Variants in CNBD1 observed in about 807,000 individuals in gnomAD.
The protein encoded by CNBD1 is cyclic nucleotide-binding domain-containing protein 1.
A neutral mutation model predicts 54.4 loss-of-function variants in CNBD1; 71 were observed. The observed-to-expected ratio is 1.30, with a 90% CI of 1.08 to 1.59. The LOEUF (loss-of-function observed/expected upper bound fraction) is 1.59, where lower values mean the gene tolerates loss of function less well. Ranked by LOEUF, CNBD1 falls within the 40% of genes most tolerant of loss-of-function variation. The pLI is 0.00. For missense variants in CNBD1, 659 were observed against 518.0 expected (o/e 1.27, Z -2.64); for synonymous variants, 182 against 170.7 (o/e 1.07, Z -0.51).
At chr8:87,194,292 A>G (rs911721309) in intron 4 of CNBD1, among the ~76,000 whole-genome samples, 8 of 152,168 alleles carry the variant, frequency 5.3e-5, no homozygotes, top group Non-Finnish European at 7.3e-5. Context: ...GACACTTGAA[A>G]AGCAGGTAGT....
chr8:87,358,410 A>T (rs79507976), intron 10 of CNBD1, among the ~76,000 whole-genome samples: 3,675 of 152,288 alleles, frequency 0.024, 153 homozygotes, highest in African/African-American at 0.081. Context: ...CACCAATTAA[A>T]ATGACAATAT....
intron 4 of CNBD1, among the ~76,000 whole-genome samples, chr8:87,024,187 C>T (rs1455944078): frequency 8.0e-5 from 11 of 138,280 alleles, no homozygotes; most frequent in Non-Finnish European, 1.4e-4. Flanking sequence ...TGCAGTGAGC[C>T]GAGATCACAC....
intron 4 of CNBD1, among the ~76,000 whole-genome samples, chr8:86,981,723 A>G (rs1398281659): frequency 6.6e-6 from 1 of 152,162 alleles, no homozygotes; most frequent in Non-Finnish European, 1.5e-5. Context: ...CTGTTGTTGC[A>G]TGCCTCAATA....
chr8:87,042,919 T>A (rs968079565), intron 4 of CNBD1, among the ~76,000 whole-genome samples: 25 of 152,234 alleles, frequency 1.6e-4, no homozygotes, highest in African/African-American at 5.5e-4. Context: ...TAAATACACT[T>A]ATGTACATAT....
chr8:87,217,140 G>A lies in CNBD1; in HGVS notation c.577+11002G>A, dbSNP rs1170236584. ...TTATGAAAGTGACACCAATAAGAGA[G>A]TGAAGATGATTTTTAATGGCAAAGG... On this transcript the variant is annotated intron_variant, in intron 5 of 10. Coordinates refer to ENST00000518476, the MANE Select transcript of CNBD1 (RefSeq NM_173538.3). 2.0e-5 allele frequency among the ~76,000 whole-genome samples: 3 copies of A among 152,120 alleles called. No individual in the cohort carries two copies. In the South Asian group the frequency reaches 6.2e-4, roughly 32 times the overall value.
chr8:87,208,197 G>T (rs1814018466), intron 5 of CNBD1, among the ~76,000 whole-genome samples: 1 of 151,960 alleles, frequency 6.6e-6, no homozygotes, highest in African/African-American at 2.4e-5. Context: ...CTCTTTTCTG[G>T]CCACTAGTTC....
At chr8:87,347,335 C>T (rs1315859329) in intron 8 of CNBD1, among the ~76,000 whole-genome samples, 1 of 152,070 alleles carries the variant, frequency 6.6e-6, no homozygotes, top group South Asian at 2.1e-4. Flanking sequence ...TGTTGAGATT[C>T]TTGAGAATAT....
intron 6 of CNBD1, among the ~76,000 whole-genome samples, chr8:87,275,333 G>C (rs1332885919): frequency 6.6e-6 from 1 of 150,900 alleles, no homozygotes; most frequent in African/African-American, 2.4e-5. Flanking sequence ...TGGCTTGATG[G>C]GGATAGCATT....
At chr8:87,350,604 G>C (rs1007577144) in intron 8 of CNBD1, among the ~76,000 whole-genome samples, 4 of 151,546 alleles carry the variant, frequency 2.6e-5, no homozygotes, top group Non-Finnish European at 4.4e-5. Context: ...GTTGATATAT[G>C]CTCTTTTATG....
At chr8:87,258,713 A>G (rs529190706) in intron 6 of CNBD1, among the ~76,000 whole-genome samples, 3 of 152,274 alleles carry the variant, frequency 2.0e-5, no homozygotes, top group African/African-American at 7.2e-5. Flanking sequence ...ATACAAATCT[A>G]TCCAATCCTA....
At chr8:87,324,045 C>A (rs1809604983) in intron 8 of CNBD1, among the ~76,000 whole-genome samples, 1 of 125,848 alleles carries the variant, frequency 7.9e-6, no homozygotes, top group Non-Finnish European at 1.8e-5. Context: ...GCTTTTTCTG[C>A]ATCTATTGAG....
chr8:87,051,691 T>A (rs1049591269), intron 4 of CNBD1, among the ~76,000 whole-genome samples: 1 of 152,228 alleles, frequency 6.6e-6, no homozygotes, highest in Non-Finnish European at 1.5e-5. Flanking sequence ...CATGCTATTG[T>A]TTGTGGTTTA....
chr8:86,874,441 A>G (rs2131770834), intron 1 of CNBD1, among the ~76,000 whole-genome samples: 1 of 152,194 alleles, frequency 6.6e-6, no homozygotes, highest in East Asian at 1.9e-4. Context: ...AGTTTGCCCC[A>G]CTCTTGATGA....
chr8:86,973,854 A>G (rs1358689891), intron 4 of CNBD1, among the ~76,000 whole-genome samples: 1 of 152,202 alleles, frequency 6.6e-6, no homozygotes, highest in Non-Finnish European at 1.5e-5. Context: ...CACTATTTTA[A>G]AAGCAGTAAT....
intron 4 of CNBD1, among the ~76,000 whole-genome samples, chr8:87,137,000 T>G (rs1363888136): frequency 9.0e-6 from 1 of 110,746 alleles, no homozygotes; most frequent in East Asian, 2.4e-4. Context: ...ATTATATATA[T>G]TTATATTCTA....
At chr8:86,904,061 G>A (rs1813277319) in intron 2 of CNBD1, among the ~76,000 whole-genome samples, 1 of 151,924 alleles carries the variant, frequency 6.6e-6, no homozygotes, top group South Asian at 2.1e-4. Context: ...AATTTGTCTT[G>A]TGTAAAGCAT....
At chr8:87,322,129 G>T (rs1461856532) in intron 8 of CNBD1, among the ~76,000 whole-genome samples, 7 of 121,214 alleles carry the variant, frequency 5.8e-5, no homozygotes, top group Non-Finnish European at 1.1e-4. Flanking sequence ...CAAAGGACAT[G>T]AACTCATCAT....
At chr8:87,313,034 T>C (rs1394705853) in intron 8 of CNBD1, among the ~76,000 whole-genome samples, 1 of 152,018 alleles carries the variant, frequency 6.6e-6, no homozygotes, top group Non-Finnish European at 1.5e-5. Flanking sequence ...TTTGGCTGCT[T>C]TGTGAGGGTA....
chr8:87,037,815 C>T (rs1809981849), intron 4 of CNBD1, among the ~76,000 whole-genome samples: 1 of 152,142 alleles, frequency 6.6e-6, no homozygotes, highest in South Asian at 2.1e-4. Flanking sequence ...ACAGTGGAAA[C>T]TTTTCCAAAC....
Sources: gnomAD v4.1 joint callset for allele counts (sites outside exome capture counted in the v4.1 genomes callset) on GRCh38, gnomAD v4.1.1 for gene constraint, MANE v1.5 for transcripts, NCBI Gene and HGNC (gene_info 2026-07-23, HGNC 2026-07-21) for gene names.